The following NRG1 variants were observed in gnomAD, a reference collection of about 807,000 sequenced individuals.
NRG1 encodes the protein neuregulin 1.
A neutral mutation model predicts 63.8 loss-of-function variants in NRG1; 18 were observed. The observed-to-expected ratio is 0.28, with a 90% confidence interval of 0.19 to 0.42. The LOEUF (loss-of-function observed/expected upper bound fraction) is 0.42, where lower values mean the gene tolerates loss of function less well. Ranked by LOEUF, NRG1 falls within the 10% of genes least tolerant of loss-of-function variation. The pLI, the probability that NRG1 is intolerant of heterozygous loss-of-function variation, is 1.00. For synonymous variants in NRG1, 302 were observed against 301.3 expected (o/e 1.00, Z -0.02); for missense variants, 762 against 814.7 (o/e 0.94, Z 0.79).
At position 32,728,136 on chromosome 8, in the gene NRG1, CTA is replaced by C. The variant is rs1249471236; in HGVS notation, c.632+60_632+61del. On this transcript the variant is annotated intron_variant, in intron 6 of 11. Coordinates refer to ENST00000356819, the Ensembl canonical transcript of NRG1. ...CTATAACTCCTTGTTTCAGATGATTCTATGTCTCATGATGTATTGTTGCTTTT... is the reference window on the plus strand; with the variant it reads ...CTATAACTCCTTGTTTCAGATGATTCTGTCTCATGATGTATTGTTGCTTTT... 1.2e-5 allele frequency: 19 copies of C among 1,602,080 alleles called. No homozygotes were observed. The African/African-American group carries it at 2.2e-4, about 18-fold the overall frequency.
At chr8:31,856,964 G>A (rs1328007214) in intron 1 of NRG1, among the ~76,000 whole-genome samples, 1 of 152,186 alleles carries the variant, frequency 6.6e-6, no homozygotes, top group Non-Finnish European at 1.5e-5. Context: ...GAGGCAGTCT[G>A]CCCATTCTCA....
intron 1 of NRG1, among the ~76,000 whole-genome samples, chr8:32,508,438 C>T (rs907561698): frequency 2.0e-5 from 3 of 151,200 alleles, no homozygotes; most frequent in African/African-American, 7.3e-5. Flanking sequence ...TTACAGGTAC[C>T]TGCCACCATA....
At chr8:32,371,027 C>G (rs144093369) in intron 1 of NRG1, among the ~76,000 whole-genome samples, 306 of 152,034 alleles carry the variant, frequency 2.0e-3, no homozygotes, top group African/African-American at 6.9e-3. Flanking sequence ...GCCTGGCCAA[C>G]ATGGTGAAAC....
intron 1 of NRG1, among the ~76,000 whole-genome samples, chr8:32,058,004 C>T (rs549731164): frequency 6.6e-6 from 1 of 152,116 alleles, no homozygotes; most frequent in South Asian, 2.1e-4. Flanking sequence ...TTGAATGTTT[C>T]TAGCATTAAC....
chr8:32,678,507 T>C (rs1807777066), intron 5 of NRG1, among the ~76,000 whole-genome samples: 1 of 152,174 alleles, frequency 6.6e-6, no homozygotes, highest in Non-Finnish European at 1.5e-5. Context: ...TTTCTCACTC[T>C]GAGTCCAATT....
chr8:32,600,381 G>A (rs1050566759), intron 2 of NRG1, among the ~76,000 whole-genome samples: 3 of 151,768 alleles, frequency 2.0e-5, no homozygotes, highest in Non-Finnish European at 4.4e-5. Flanking sequence ...TTCCTTAGGG[G>A]TCAGGGAACC....
In NRG1 at chr8:32,249,659, T is replaced by C. The variant is rs553341858; in HGVS notation, c.38-346169T>C. Among the ~76,000 whole-genome samples the C allele has an allele frequency of 5.4e-4, 82 of 152,046 alleles. No homozygotes were observed. In the South Asian group the frequency reaches 8.5e-3, roughly 16 times the overall value. ...TTGCCTTGCTACCAATAGACAAGGG[T>C]CCATATCACAGGACCAGGAGTTAGA... On this transcript the variant is annotated intron_variant, in intron 1 of 10. Transcript: ENST00000519301.
In NRG1 at chr8:31,933,978, A is replaced by G. The variant is rs56314688; in HGVS notation, c.37+294547A>G. On this transcript the variant is annotated intron_variant, in intron 1 of 10. Transcript: ENST00000519301. ...CAGCTAAGCCTGATCACTAGAATACATTTCATTTATATTTTATAAGATACC... is the reference window on the plus strand; with the variant it reads ...CAGCTAAGCCTGATCACTAGAATACGTTTCATTTATATTTTATAAGATACC... Among the ~76,000 whole-genome samples, 1,047 of 152,254 alleles carry G rather than the reference A, an allele frequency of 6.9e-3. 10 individuals carry two copies. Among genetic ancestry groups the G allele is most frequent in the African/African-American group, 0.024 (1,006 of 41,550 alleles).
chr8:32,595,686 C>T, intron 1 of NRG1, 142 bp from the exon 2 acceptor site: 2 of 606,828 alleles, frequency 3.3e-6, no homozygotes, highest in South Asian at 3.9e-5. Flanking sequence ...CATTTTCGCT[C>T]ATCCATTTTG....
chr8:31,809,741 G>GTTTT (rs753730069), intron 1 of NRG1, among the ~76,000 whole-genome samples: 54 of 68,002 alleles, frequency 7.9e-4, no homozygotes, highest in Non-Finnish European at 9.7e-4. Context: ...TCTATTAATT[G>GTTTT]TTTTTTTTTT....
intron 2 of NRG1, among the ~76,000 whole-genome samples, chr8:32,604,872 A>T (rs1023190769): frequency 1.0e-5 from 1 of 99,940 alleles, no homozygotes; most frequent in Admixed American, 9.6e-5. Flanking sequence ...AATGCTGCCC[A>T]TGTTAAAAAA....
intron 1 of NRG1, among the ~76,000 whole-genome samples, chr8:32,280,269 A>T (rs1193160032): frequency 6.6e-6 from 1 of 152,242 alleles, no homozygotes; most frequent in African/African-American, 2.4e-5. Context: ...ATACGCACGC[A>T]CACTTTCTAA....
chr8:32,476,861 A>T (rs1020008947), intron 1 of NRG1, among the ~76,000 whole-genome samples: 16 of 152,274 alleles, frequency 1.1e-4, no homozygotes, highest in Middle Eastern at 3.4e-3. Flanking sequence ...AGCCAGCAAG[A>T]TTGATGGTTT....
chr8:32,582,598 A>G (rs1840866911), intron 1 of NRG1, among the ~76,000 whole-genome samples: 1 of 152,222 alleles, frequency 6.6e-6, no homozygotes. Context: ...CTTACCTTGC[A>G]GATGAGGATG....
chr8:32,719,983 C>T (rs1471831565), intron 5 of NRG1, among the ~76,000 whole-genome samples: 1 of 151,984 alleles, frequency 6.6e-6, no homozygotes. Context: ...TTGAAATGAC[C>T]ATATGACTTT....
At chr8:32,511,779 C>T (rs967580105) in intron 1 of NRG1, among the ~76,000 whole-genome samples, 11 of 152,062 alleles carry the variant, frequency 7.2e-5, no homozygotes, top group Non-Finnish European at 1.3e-4. Flanking sequence ...CAAAGATGTG[C>T]TTTAAAGGAA....
chr8:32,368,565 A>G (rs915062626), intron 1 of NRG1, among the ~76,000 whole-genome samples: 2 of 152,166 alleles, frequency 1.3e-5, no homozygotes, highest in East Asian at 1.9e-4. Flanking sequence ...AAACAAACAA[A>G]CAAAACAAAG....
At chr8:32,185,221 C>T (rs1485535189) in intron 1 of NRG1, among the ~76,000 whole-genome samples, 1 of 152,154 alleles carries the variant, frequency 6.6e-6, no homozygotes, top group Non-Finnish European at 1.5e-5. Context: ...CCTGCAGAAC[C>T]ATAACACCGT....
At chr8:32,449,085 A>C (rs919283991) in intron 1 of NRG1, among the ~76,000 whole-genome samples, 3 of 152,168 alleles carry the variant, frequency 2.0e-5, no homozygotes, top group Non-Finnish European at 4.4e-5. Context: ...GCTTGAGCCC[A>C]GGAGTTTGAG....
Sources: allele counts gnomAD v4.1 joint callset (sites outside exome capture counted in the v4.1 genomes callset), GRCh38; gene constraint gnomAD v4.1.1; transcripts MANE v1.5; gene names NCBI Gene and HGNC (gene_info 2026-07-23, HGNC 2026-07-21).